The following MAGOHB variants were observed in gnomAD, a reference collection of about 807,000 sequenced individuals.
MAGOHB encodes the protein protein mago nashi homolog 2.
MAGOHB carries 15 observed loss-of-function variants against 20.9 expected under a neutral mutation model. The observed-to-expected ratio is 0.72, with a 90% CI of 0.48 to 1.11. MAGOHB has a LOEUF of 1.11. Ranked by LOEUF, MAGOHB falls within the 50% of genes least tolerant of loss-of-function variation. The pLI is 0.00. For synonymous variants in MAGOHB, 50 were observed against 57.9 expected (o/e 0.86, Z 0.62); for missense variants, 162 against 177.6 (o/e 0.91, Z 0.50).
chr12:10,609,852 G>A lies in MAGOHB; in HGVS notation c.243C>T (p.Pro81=). Residue 81 remains proline, a synonymous_variant, in exon 3 of 5, where the codon CCC becomes CCT. Coordinates refer to ENST00000320756, the MANE Select transcript of MAGOHB (RefSeq NM_018048.5). ...ITKEDDALWP[P]PDRVGRQELE... is the part of the protein sequence containing the mutation. ...AAACCTGTCGGCCAACCCTATCAGGGGGAGGCCACAAAGCATCATCTTCTT... is the reference window on the plus strand; with the variant it reads ...AAACCTGTCGGCCAACCCTATCAGGAGGAGGCCACAAAGCATCATCTTCTT... 11 of 1,611,366 alleles carry A rather than the reference G, an allele frequency of 6.8e-6. No homozygotes were observed. The highest frequency in any genetic ancestry group is 9.3e-6 in the Non-Finnish European group (11 of 1,178,232).
In MAGOHB at chr12:10,613,482, GC is replaced by G. The variant is rs1282793154; in HGVS notation, c.50del (p.Gly17AlafsTer31). Reference protein sequence around the residue: ...FYLRYYVGHKGKFGHEFLEFE... With the variant: ...FYLRYYVGHKXKFGHEFLEFE... ...ACTCCAGAAACTCGTGCCCAAACTT[GC>G]CCTTGTGCCCTACGTAGTAGCGCAG... On this transcript the variant is annotated frameshift_variant, in exon 1 of 5. Transcript: ENST00000320756. LOFTEE classifies it high-confidence loss of function. The G allele has an allele frequency of 1.2e-6, 2 of 1,614,072 alleles. No homozygotes were observed.
In MAGOHB at chr12:10,613,505, G is replaced by A. The variant is rs1444451258; in HGVS notation, c.28C>T (p.Arg10Cys). The A allele has an allele frequency of 3.7e-6, 6 of 1,613,992 alleles. No homozygotes were observed. The highest frequency in any genetic ancestry group is 2.2e-5 in the East Asian group (1 of 44,898). The change falls in exon 1 of 5, where the codon CGC becomes TGC. Residue 10 changes from arginine to cysteine, a missense_variant. Coordinates refer to ENST00000320756, the MANE Select transcript of MAGOHB (RefSeq NM_018048.5). Reference sequence around the variant, plus strand: ...TTGCCCTTGTGCCCTACGTAGTAGCGCAGGTAGAAATCGCTAGCCACAGCC... The same window carrying A: ...TTGCCCTTGTGCCCTACGTAGTAGCACAGGTAGAAATCGCTAGCCACAGCC... Reference protein sequence around the residue: MAVASDFYLRYYVGHKGKFG... With the variant: MAVASDFYLCYYVGHKGKFG...
At chr12:10,612,691 A>C in intron 1 of MAGOHB, 2 of 1,156,010 alleles carry the variant, frequency 1.7e-6, no homozygotes, top group Non-Finnish European at 2.2e-6. Flanking sequence ...CATTCAAAAA[A>C]ACCCAAAAAA....
At chr12:10,613,318 TC>T in intron 1 of MAGOHB, 120 bp downstream of exon 1, 1 of 843,706 alleles carries the variant, frequency 1.2e-6, no homozygotes, top group Non-Finnish European at 2.0e-6. Flanking sequence ...CCTCCTCTAT[TC>T]TTAAGCTCCT....
Position 10,613,571 on chromosome 12 carries a change from T to A in MAGOHB, c.-39A>T. ...AAGCCCGCCGAAAACGCAGCCAACG[T>A]GTCCCCCGGCGCCTTGCAGTGACGT... On this transcript the variant is annotated 5_prime_UTR_variant, in exon 1 of 5. Coordinates refer to ENST00000320756, the MANE Select transcript of MAGOHB (RefSeq NM_018048.5). The A allele has an allele frequency of 7.1e-7, 1 of 1,412,994 alleles. No homozygotes were observed. Among genetic ancestry groups the A allele is most frequent in the Non-Finnish European group, 1.0e-6 (1 of 996,670 alleles). The allele number at this position is 1,412,994 out of a possible 1,614,324, so 87.5% of individuals were successfully genotyped here. A position where few individuals can be genotyped will look rare whatever the true frequency, so the allele number is the denominator to read the frequency against.
At chr12:10,610,524 C>G in intron 2 of MAGOHB, 98 bp downstream of exon 2, 1 of 1,319,878 alleles carries the variant, frequency 7.6e-7, no homozygotes, top group Non-Finnish European at 1.0e-6. Context: ...ACAATATAGC[C>G]TTAGATGTAC....
chr12:10,600,514 T>C (rs1196554197), downstream of MAGOHB, among the ~76,000 whole-genome samples: 2 of 152,166 alleles, frequency 1.3e-5, no homozygotes, highest in African/African-American at 4.8e-5. Flanking sequence ...CCCTTTGATG[T>C]TCCATCAGTT....
chr12:10,602,361 A>C (rs1468154939), downstream of MAGOHB, among the ~76,000 whole-genome samples: 3 of 152,224 alleles, frequency 2.0e-5, no homozygotes, highest in Non-Finnish European at 2.9e-5. Flanking sequence ...AGGCAGAATG[A>C]AACTGACGAC....
downstream of MAGOHB, among the ~76,000 whole-genome samples, chr12:10,600,949 T>G (rs1198442068): frequency 6.6e-6 from 1 of 152,170 alleles, no homozygotes; most frequent in Non-Finnish European, 1.5e-5. Flanking sequence ...ATGAAACATC[T>G]CCCAGAGGCT....
intron 3 of MAGOHB, chr12:10,609,574 G>A: frequency 2.1e-6 from 1 of 483,776 alleles, no homozygotes; most frequent in Admixed American, 3.4e-5. Flanking sequence ...ACACTGCATT[G>A]TGAAAACATC....
In MAGOHB at chr12:10,605,335, C is replaced by G. The variant is rs1865607004; in HGVS notation, c.*940G>C. 6.6e-6 allele frequency: 1 copy of G among 152,108 alleles called. No homozygotes were observed. Among genetic ancestry groups the G allele is most frequent in the Admixed American group, 6.5e-5 (1 of 15,270 alleles). The allele number at this position is 152,108 out of a possible 1,614,324, so 9.4% of individuals were successfully genotyped here. On this transcript the variant is annotated 3_prime_UTR_variant, in exon 5 of 5. Coordinates refer to ENST00000320756, the MANE Select transcript of MAGOHB (RefSeq NM_018048.5). ...AGCCTTCAGAAACTAATTATTCCAC[C>G]CAAAATTCAGTGCTAACTTGTTCCT... is the stretch of plus-strand genomic sequence containing the variant.
At chr12:10,604,096 A>G (rs1865582615), downstream of MAGOHB, 1 of 152,232 alleles carries the variant, frequency 6.6e-6, no homozygotes, top group African/African-American at 2.4e-5. Context: ...CTTAAAAAAC[A>G]CCTACTATAT....
chr12:10,607,658 C>T lies in MAGOHB; in HGVS notation c.347+196G>A, dbSNP rs1320628997. On this transcript the variant is annotated intron_variant, in intron 4 of 4. Coordinates refer to ENST00000320756, the MANE Select transcript of MAGOHB (RefSeq NM_018048.5). ...AGCTGTTGGATTAAAAGTTTTTGGA[C>T]AATCAATGAAATACTCTGCTAACTT... 2.0e-5 allele frequency among the ~76,000 whole-genome samples: 3 copies of T among 152,098 alleles called. No individual in the cohort carries two copies. In the East Asian group the frequency reaches 5.8e-4, roughly 29 times the overall value.
At chr12:10,609,500 A>C in intron 3 of MAGOHB, 1 of 378,940 alleles carries the variant, frequency 2.6e-6, no homozygotes, top group South Asian at 2.2e-5. Context: ...GATTTGGCAA[A>C]AATAAATTTT....
At chr12:10,601,696 T>A (rs1310560778), downstream of MAGOHB, among the ~76,000 whole-genome samples, 1 of 152,210 alleles carries the variant, frequency 6.6e-6, no homozygotes, top group African/African-American at 2.4e-5. Flanking sequence ...ATGTTAAAAA[T>A]TGTTACTTGA....
chr12:10,609,332 A>G, intron 3 of MAGOHB: 2 of 419,922 alleles, frequency 4.8e-6, no homozygotes, highest in Non-Finnish European at 9.4e-6. Context: ...CTTTTTACAG[A>G]GTGAAATTAG....
Position 10,613,481 on chromosome 12 carries a change from T to A in MAGOHB, c.52A>T (p.Lys18Ter), listed in dbSNP as rs767687132. The change falls in exon 1 of 5, where the codon AAG becomes TAG. Residue 18 changes from lysine to a stop codon, truncating the protein, a stop_gained. Coordinates refer to ENST00000320756, the MANE Select transcript of MAGOHB (RefSeq NM_018048.5). LOFTEE classifies it high-confidence loss of function. ...AACTCCAGAAACTCGTGCCCAAACTTGCCCTTGTGCCCTACGTAGTAGCGC... is the reference window on the plus strand; with the variant it reads ...AACTCCAGAAACTCGTGCCCAAACTAGCCCTTGTGCCCTACGTAGTAGCGC... Reference protein sequence around the residue: ...YLRYYVGHKGKFGHEFLEFEF... With the variant: ...YLRYYVGHKG The A allele has an allele frequency of 6.2e-7, 1 of 1,614,106 alleles. No individual in the cohort carries two copies. The highest frequency in any genetic ancestry group is 8.5e-7 in the Non-Finnish European group (1 of 1,179,994).
downstream of MAGOHB, among the ~76,000 whole-genome samples, chr12:10,599,870 A>G (rs1309138128): frequency 6.6e-6 from 1 of 152,220 alleles, no homozygotes; most frequent in Non-Finnish European, 1.5e-5. Flanking sequence ...TGGAGAAAAT[A>G]AAACTAATAT....
downstream of MAGOHB, among the ~76,000 whole-genome samples, chr12:10,600,427 TAA>T (rs1865543403): frequency 6.6e-6 from 1 of 151,902 alleles, no homozygotes; most frequent in Non-Finnish European, 1.5e-5. Flanking sequence ...TTTTTAAGCA[TAA>T]AATTGTATGT....
Sources: gnomAD v4.1 joint callset for allele counts (sites outside exome capture counted in the v4.1 genomes callset) on GRCh38, gnomAD v4.1.1 for gene constraint, MANE v1.5 for transcripts, NCBI Gene and HGNC (gene_info 2026-07-23, HGNC 2026-07-21) for gene names.